The following UAP1 variants were observed in gnomAD, a reference collection of about 807,000 sequenced individuals.
UAP1 encodes the protein UDP-N-acetylglucosamine pyrophosphorylase 1.
Under a neutral mutation model 58.5 loss-of-function variants are expected in UAP1, and 25 were observed. That is an observed-to-expected ratio of 0.43 (90% CI 0.31 to 0.60). The LOEUF is 0.60. UAP1 is among the 20% of genes least tolerant of loss of function. The probability of loss-of-function intolerance (pLI) is 0.11; values close to 1 mark genes in which losing one functional copy is unlikely to be tolerated. For synonymous variants in UAP1, 208 were observed against 213.0 expected, an observed-to-expected ratio of 0.98 and a Z score of 0.21; for missense variants, 575 against 630.0, an observed-to-expected ratio of 0.91 and a Z score of 0.93.
At chr1:162,590,494 C>T (rs750262079) in exon 8 of UAP1, 1 of 1,600,618 alleles carries the variant, frequency 6.2e-7, no homozygotes, top group Non-Finnish European at 8.5e-7. Flanking sequence ...ATGGCTCTCG[C>T]CTTCCAGCAA....
rs12566463 is a variant in UAP1 at position 162,581,822 on chromosome 1, T to A, written c.834+363T>A. 0.015 allele frequency among the ~76,000 whole-genome samples: 2,289 copies of A among 152,294 alleles called. 175 individuals are homozygous for A. The East Asian group carries it at 0.21, about 14-fold the overall frequency. ...ATTGGAGTAGGTAAGGAAAATGTGG[T>A]AGAAATAACAGATTTAGACTTCCTA... On this transcript the variant is annotated intron_variant, in intron 5 of 10. Coordinates refer to ENST00000271469, the Ensembl canonical transcript of UAP1.
At chr1:162,589,453 T>G (rs943948914) in intron 7 of UAP1, among the ~76,000 whole-genome samples, 1 of 150,450 alleles carries the variant, frequency 6.6e-6, no homozygotes, top group Non-Finnish European at 1.5e-5. Context: ...ACGCCCCGCC[T>G]TGGTCTCCTG....
intron 5 of UAP1, among the ~76,000 whole-genome samples, chr1:162,582,086 T>C (rs1167324194): frequency 6.6e-6 from 1 of 152,050 alleles, no homozygotes; most frequent in Non-Finnish European, 1.5e-5. Flanking sequence ...ATATATATAT[T>C]ATAGCTAGAA....
intron 4 of UAP1, among the ~76,000 whole-genome samples, chr1:162,580,363 G>C (rs928233348): frequency 1.3e-5 from 2 of 152,192 alleles, no homozygotes; most frequent in African/African-American, 4.8e-5. Flanking sequence ...GTAAGAGAAT[G>C]CAAAATGAAA....
At chr1:162,578,799 T>G (rs1654370203) in intron 3 of UAP1, among the ~76,000 whole-genome samples, 1 of 152,234 alleles carries the variant, frequency 6.6e-6, no homozygotes, top group Non-Finnish European at 1.5e-5. Context: ...TGTCTTTTTC[T>G]AGGTATTGAG....
intron 7 of UAP1, 99 bp downstream of exon 7, chr1:162,588,932 C>T: frequency 8.9e-7 from 1 of 1,119,836 alleles, no homozygotes. Context: ...CATTTGATAG[C>T]ACATATCTCA....
In UAP1 at chr1:162,587,370, C is replaced by T. The variant is rs1248669844; in HGVS notation, c.835-105C>T. The T allele has an allele frequency of 1.3e-5, 14 of 1,042,078 alleles. No individual in the cohort carries two copies. In the Admixed American group the frequency reaches 3.3e-4, roughly 25 times the overall value. The allele number at this position is 1,042,078 out of a possible 1,614,324, so 64.6% of individuals were successfully genotyped here. A position where few individuals can be genotyped will look rare whatever the true frequency, so the allele number is the denominator to read the frequency against. ...GTTAAAGATTCTTCTTGGCTTTATA[C>T]CTTTTAGTGTAAGCAAAGTTGTAAA... On this transcript the variant is annotated intron_variant, in intron 5 of 10. Transcript: ENST00000271469.
Position 162,566,437 on chromosome 1 carries a change from A to G in UAP1, c.280+89A>G, listed in dbSNP as rs190159853. On this transcript the variant is annotated intron_variant, in intron 2 of 10. Transcript: ENST00000271469. ...GCTGGATCATGTCACTAATATTTTG[A>G]TTCATACTACATTAAACCAGGTGAC... is the stretch of plus-strand genomic sequence containing the variant. 637 of 1,355,806 alleles carry G rather than the reference A, an allele frequency of 4.7e-4. 3 individuals are homozygous for G. The African/African-American group carries it at 8.5e-3, about 18-fold the overall frequency. 84.0% of individuals were successfully genotyped at this position (1,355,806 alleles called of 1,614,324 possible).
chr1:162,565,587 A>G (rs965386630), intron 1 of UAP1, among the ~76,000 whole-genome samples: 6 of 152,256 alleles, frequency 3.9e-5, no homozygotes, highest in South Asian at 2.1e-4. Context: ...ACATTTAAAT[A>G]TTAAGCAGTC....
At chr1:162,581,343 G>C in exon 5 of UAP1, 1 of 1,614,106 alleles carries the variant, frequency 6.2e-7, no homozygotes, top group Non-Finnish European at 8.5e-7. Context: ...GGAGGATATG[G>C]AGCAAAGAGG....
Position 162,566,161 on chromosome 1 carries a change from A to G in UAP1, c.93A>G (p.Val31=), listed in dbSNP as rs146815350. The G allele has an allele frequency of 9.9e-6, 16 of 1,613,968 alleles. No individual in the cohort carries two copies. The African/African-American group carries it at 1.9e-4, about 19-fold the overall frequency. ...ATGAGCTTGAAGAAGCCCAACAGGT[A>G]GAACTTTATGCAGAGCTCCAGGCCA... is the stretch of plus-strand genomic sequence containing the variant. The change falls in exon 2 of 11, where the codon GTA becomes GTG. Residue 31 remains valine, a synonymous_variant. Transcript: ENST00000271469.
intron 8 of UAP1, among the ~76,000 whole-genome samples, chr1:162,591,217 G>A (rs1655292983): frequency 2.0e-5 from 3 of 151,960 alleles, no homozygotes; most frequent in Non-Finnish European, 4.4e-5. Flanking sequence ...GAGCCACTGG[G>A]CCCGGCTGAC....
chr1:162,567,367 T>C (rs1441671769), intron 2 of UAP1, among the ~76,000 whole-genome samples: 8 of 152,216 alleles, frequency 5.3e-5, no homozygotes. Context: ...AACAAGAGTT[T>C]TATAGTTATA....
intron 7 of UAP1, among the ~76,000 whole-genome samples, chr1:162,589,158 A>T (rs1444372535): frequency 1.5e-5 from 1 of 66,814 alleles, no homozygotes; most frequent in Non-Finnish European, 2.9e-5. Flanking sequence ...AATATATATT[A>T]TATATAATAT....
chr1:162,600,938 A>G (rs1023491786), downstream of UAP1, among the ~76,000 whole-genome samples: 7 of 151,994 alleles, frequency 4.6e-5, no homozygotes, highest in African/African-American at 9.7e-5. Flanking sequence ...GAACCTTGCT[A>G]TTTCCTCTGC....
At position 162,582,027 on chromosome 1, in the gene UAP1, A is replaced by G. The variant is rs117072081; in HGVS notation, c.834+568A>G. On this transcript the variant is annotated intron_variant, in intron 5 of 10. Transcript: ENST00000271469. ...TCTGTTCTTGGCATTGTACTTTTCA[A>G]CACGTTTTTAGTTGTATAGGTGATG... Among the ~76,000 whole-genome samples the G allele has an allele frequency of 6.6e-3, 1,011 of 152,304 alleles. 23 individuals are homozygous for G. In the East Asian group the frequency reaches 0.097, roughly 15 times the overall value.
intron 2 of UAP1, among the ~76,000 whole-genome samples, chr1:162,573,826 C>T (rs1244773881): frequency 9.2e-5 from 14 of 151,726 alleles, no homozygotes; most frequent in Admixed American, 7.2e-4. Context: ...TAGCTAAGTG[C>T]GCTGGTGTGC....
intron 2 of UAP1, among the ~76,000 whole-genome samples, chr1:162,574,772 T>C (rs1654074480): frequency 6.6e-6 from 1 of 152,118 alleles, no homozygotes; most frequent in Non-Finnish European, 1.5e-5. Context: ...ATAAGATGGG[T>C]CTTAGGAATG....
At chr1:162,587,824 G>T in intron 6 of UAP1, 156 bp downstream of exon 6, 1 of 743,898 alleles carries the variant, frequency 1.3e-6, no homozygotes, top group Non-Finnish European at 2.1e-6. Context: ...TGTTGTGATT[G>T]TTTTTAGTAA....
Sources: allele counts gnomAD v4.1 joint callset (sites outside exome capture counted in the v4.1 genomes callset), GRCh38; gene constraint gnomAD v4.1.1; transcripts MANE v1.5; gene names NCBI Gene and HGNC (gene_info 2026-07-23, HGNC 2026-07-21).